THADA: variants seen among roughly 807,000 people sequenced by gnomAD.
The protein encoded by THADA is tRNA (32-2'-O)-methyltransferase regulator THADA.
Under a neutral mutation model 219.8 loss-of-function variants are expected in THADA, and 213 were observed. That is an observed-to-expected ratio of 0.97 (90% confidence interval 0.87 to 1.09). The LOEUF (loss-of-function observed/expected upper bound fraction) is 1.09, where lower values mean the gene tolerates loss of function less well. Ranked by LOEUF, THADA falls within the 50% of genes least tolerant of loss-of-function variation. The pLI is 0.00. For missense variants in THADA, 2,956 were observed against 2,311.3 expected, an observed-to-expected ratio of 1.28 and a Z score of -5.72; for synonymous variants, 1,018 against 828.9, an observed-to-expected ratio of 1.23 and a Z score of -3.92.
rs898023013 is a variant in THADA at position 43,431,480 on chromosome 2, T to G, written c.3837-1178A>C. 5.9e-5 allele frequency among the ~76,000 whole-genome samples: 9 copies of G among 152,238 alleles called. No individual in the cohort carries two copies. The South Asian group carries it at 1.7e-3, about 28-fold the overall frequency. ...ATAATACATTTTTGTTTGTTTGTTT[T>G]TTTGAGACGGAGTCTCACTCTGTTG... is the stretch of plus-strand genomic sequence containing the variant. On this transcript the variant is annotated intron_variant, in intron 26 of 37. Transcript: ENST00000405975.
chr2:43,532,745 T>C (rs1173978454), intron 21 of THADA, among the ~76,000 whole-genome samples: 1 of 152,186 alleles, frequency 6.6e-6, no homozygotes, highest in Non-Finnish European at 1.5e-5. Flanking sequence ...TTGGAAGTTT[T>C]GGCCAGAGCA....
At chr2:43,301,982 A>C (rs1415664130) in intron 31 of THADA, among the ~76,000 whole-genome samples, 1 of 152,168 alleles carries the variant, frequency 6.6e-6, no homozygotes, top group African/African-American at 2.4e-5. Flanking sequence ...AGTTTGATCC[A>C]GTCTGAAGTT....
chr2:43,454,959 T>G (rs1421193902), intron 26 of THADA, among the ~76,000 whole-genome samples: 1 of 152,138 alleles, frequency 6.6e-6, no homozygotes, highest in East Asian at 1.9e-4. Flanking sequence ...CACAAAATTT[T>G]GGAAATGACG....
At chr2:43,240,591 T>C (rs1049076190) in intron 36 of THADA, among the ~76,000 whole-genome samples, 21 of 152,126 alleles carry the variant, frequency 1.4e-4, no homozygotes, top group Admixed American at 6.5e-4. Flanking sequence ...GGCTCAGAGC[T>C]GGGATTCCAG....
intron 26 of THADA, among the ~76,000 whole-genome samples, chr2:43,469,076 T>C (rs11124937): frequency 0.4 from 60,353 of 151,954 alleles, 13,183 homozygotes; most frequent in African/African-American, 0.56. Context: ...TCAAGCAAGT[T>C]GGTCAGGTCA....
chr2:43,592,124 AT>A, intron 2 of THADA, 78 bp from the exon 3 acceptor site: 1 of 1,239,308 alleles, frequency 8.1e-7, no homozygotes, highest in Non-Finnish European at 1.1e-6. Context: ...ATTCTACAAA[AT>A]TTTTTAATTA....
chr2:43,501,765 G>A (rs187356552), intron 24 of THADA, among the ~76,000 whole-genome samples: 1 of 152,154 alleles, frequency 6.6e-6, no homozygotes, highest in East Asian at 1.9e-4. Flanking sequence ...CCAACGTGGT[G>A]AAACCCCATC....
In THADA at chr2:43,552,282, A is replaced by G; in HGVS notation, c.2732T>C (p.Leu911Pro). Residue 911 changes from leucine to proline, a missense_variant, in exon 18 of 38, where the codon CTG becomes CCG. Coordinates refer to ENST00000405975, the MANE Select transcript of THADA (RefSeq NM_022065.5). ...TGGAAATGCTGCTGCTGCCTGAAGC[A>G]GAGAATTTTCAGCCTGAGATACTTC... ...EEEVSQAENSLLQAAAAFPMY... is the reference protein window; with the variant it reads ...EEEVSQAENSPLQAAAAFPMY... 6.2e-7 allele frequency: 1 copy of G among 1,610,892 alleles called. No individual in the cohort carries two copies. The highest frequency in any genetic ancestry group is 2.2e-5 in the East Asian group (1 of 44,808).
intron 29 of THADA, among the ~76,000 whole-genome samples, chr2:43,364,077 A>ATT (rs139679104): frequency 0.035 from 5,266 of 151,954 alleles, 237 homozygotes; most frequent in African/African-American, 0.1. Context: ...ACAAAAAATT[A>ATT]TATGGGTGTG....
At chr2:43,521,739 C>G (rs1302277128) in intron 22 of THADA, among the ~76,000 whole-genome samples, 3 of 152,194 alleles carry the variant, frequency 2.0e-5, no homozygotes, top group Non-Finnish European at 4.4e-5. Context: ...AACTCCTATC[C>G]ACAGAGCTAT....
rs192875326 is a variant in THADA, at chr2:43,351,090, G to T, written c.4228-6853C>A. Among the ~76,000 whole-genome samples the T allele has an allele frequency of 3.8e-3, 582 of 152,226 alleles. 1 individual carries two copies. The highest frequency in any genetic ancestry group is 5.2e-3 in the Non-Finnish European group (354 of 68,004). On this transcript the variant is annotated intron_variant, in intron 29 of 37. Transcript: ENST00000405975. ...CACTATTTTAGTTCAGGAGCAAGAA[G>T]ACTTTGCACCCAGATGCTAAAAACA...
chr2:43,435,756 C>A (rs1400240954), intron 26 of THADA, among the ~76,000 whole-genome samples: 2 of 140,010 alleles, frequency 1.4e-5, no homozygotes, highest in Non-Finnish European at 3.0e-5. Flanking sequence ...GTACTCCAGC[C>A]TGGGCAAGAG....
At chr2:43,530,587 G>A (rs1254209310) in intron 21 of THADA, among the ~76,000 whole-genome samples, 2 of 151,968 alleles carry the variant, frequency 1.3e-5, no homozygotes, top group Admixed American at 1.3e-4. Flanking sequence ...ATGAGATGAG[G>A]TTTCTCTAAC....
intron 21 of THADA, among the ~76,000 whole-genome samples, chr2:43,536,006 G>A (rs1694551994): frequency 6.6e-6 from 1 of 152,156 alleles, no homozygotes; most frequent in Non-Finnish European, 1.5e-5. Context: ...GTTTTACCAT[G>A]TTGGCTAGGA....
At chr2:43,526,609 G>C (rs577434553) in intron 22 of THADA, among the ~76,000 whole-genome samples, 18 of 152,034 alleles carry the variant, frequency 1.2e-4, no homozygotes, top group African/African-American at 3.9e-4. Flanking sequence ...TCTTGTTCAA[G>C]TGTGTCGGTC....
At chr2:43,488,019 T>C (rs1197467049) in intron 25 of THADA, among the ~76,000 whole-genome samples, 1 of 152,164 alleles carries the variant, frequency 6.6e-6, no homozygotes, top group African/African-American at 2.4e-5. Context: ...AAAAACTTTA[T>C]TTTTTTAAAG....
At chr2:43,291,328 G>A (rs559447577) in intron 34 of THADA, among the ~76,000 whole-genome samples, 66 of 151,748 alleles carry the variant, frequency 4.3e-4, no homozygotes, top group African/African-American at 1.5e-3. Context: ...GCACAAGCCT[G>A]TAATCCCAGC....
At chr2:43,288,313 G>C (rs1674290215) in intron 34 of THADA, among the ~76,000 whole-genome samples, 1 of 152,196 alleles carries the variant, frequency 6.6e-6, no homozygotes, top group Non-Finnish European at 1.5e-5. Context: ...AGCTACTCAG[G>C]AGGCTGAGGC....
intron 28 of THADA, among the ~76,000 whole-genome samples, chr2:43,400,470 T>TATATATATAAAA (rs1273903312): frequency 7.0e-6 from 1 of 143,452 alleles, no homozygotes; most frequent in African/African-American, 2.6e-5. Flanking sequence ...TATATATATA[T>TATATATATAAAA]ATATATAAAT....
Sources: gnomAD v4.1 joint callset for allele counts (sites outside exome capture counted in the v4.1 genomes callset) on GRCh38, gnomAD v4.1.1 for gene constraint, MANE v1.5 for transcripts, NCBI Gene and HGNC (gene_info 2026-07-23, HGNC 2026-07-21) for gene names.